The following ZCCHC7 variants were observed in gnomAD, a reference collection of about 807,000 sequenced individuals.
ZCCHC7 encodes zinc finger CCHC-type containing 7, also known as zinc finger CCHC domain-containing protein 7.
A neutral mutation model predicts 52.0 loss-of-function variants in ZCCHC7; 35 were observed. The ratio of observed to expected loss-of-function variants is 0.67; its 90% CI spans 0.51 to 0.89. The LOEUF is 0.89. Among genes scored for constraint, ZCCHC7 ranks in the 40% least tolerant of loss-of-function variants. ZCCHC7 has a pLI of 0.00. For synonymous variants in ZCCHC7, 217 were observed against 221.5 expected (o/e 0.98, Z 0.18); for missense variants, 574 against 649.1 (o/e 0.88, Z 1.26).
intron 2 of ZCCHC7, among the ~76,000 whole-genome samples, chr9:37,149,173 A>C (rs965237301): frequency 9.9e-5 from 15 of 152,186 alleles, no homozygotes; most frequent in African/African-American, 3.6e-4. Context: ...AATTTCATTA[A>C]AGTTAATTAA....
intron 5 of ZCCHC7, among the ~76,000 whole-genome samples, chr9:37,318,151 C>T (rs1008045534): frequency 1.3e-5 from 2 of 151,446 alleles, no homozygotes; most frequent in South Asian, 2.1e-4. Context: ...AAATATTTGA[C>T]GATGAGGATG....
At chr9:37,279,227 T>C (rs568959849) in intron 2 of ZCCHC7, among the ~76,000 whole-genome samples, 1 of 151,832 alleles carries the variant, frequency 6.6e-6, no homozygotes, top group South Asian at 2.1e-4. Flanking sequence ...AAAAGTAACA[T>C]TGGGTGATTT....
chr9:37,214,769 CAAATT>C lies in ZCCHC7; in HGVS notation c.611-87415_611-87411del, dbSNP rs756834413. Reference sequence around the variant, plus strand: ...GTTGGAGGAGTATGTTTAGTGAAAACAAATTAAAGGTGGAAGAGATACTATTCTTC... The same window carrying C: ...GTTGGAGGAGTATGTTTAGTGAAAACAAAGGTGGAAGAGATACTATTCTTC... On this transcript the variant is annotated intron_variant, in intron 2 of 8. Transcript: ENST00000336755. Among the ~76,000 whole-genome samples, 8 of 151,890 alleles carry C rather than the reference CAAATT, an allele frequency of 5.3e-5. No homozygotes were observed. The East Asian group carries it at 9.6e-4, about 18-fold the overall frequency.
intron 2 of ZCCHC7, among the ~76,000 whole-genome samples, chr9:37,289,788 A>T (rs1398721388): frequency 6.6e-6 from 1 of 152,128 alleles, no homozygotes; most frequent in Non-Finnish European, 1.5e-5. Context: ...TTATCTTCAC[A>T]TTCCCTTCAT....
At chr9:37,150,016 A>T (rs1241529140) in intron 2 of ZCCHC7, among the ~76,000 whole-genome samples, 1 of 152,220 alleles carries the variant, frequency 6.6e-6, no homozygotes, top group Non-Finnish European at 1.5e-5. Context: ...GCAGTTTTTC[A>T]TCTCCTTTTC....
rs1001388644 is a variant in ZCCHC7, at chr9:37,320,234, C to T, written c.952-7565C>T. ...CTGGGATTACAGGCGCCTACCACCA[C>T]ACTCAGCTTATTTTTATATTTTTAG... is the stretch of plus-strand genomic sequence containing the variant. On this transcript the variant is annotated intron_variant, in intron 5 of 8. Transcript: ENST00000336755. 3.9e-5 allele frequency among the ~76,000 whole-genome samples: 6 copies of T among 152,092 alleles called. No individual in the cohort carries two copies. The East Asian group carries it at 5.8e-4, about 15-fold the overall frequency.
chr9:37,163,403 AAG>A (rs1554705121), intron 2 of ZCCHC7, among the ~76,000 whole-genome samples: 8 of 149,612 alleles, frequency 5.3e-5, no homozygotes, highest in South Asian at 4.2e-4. Context: ...AAAAAAAAAA[AAG>A]AAAAGAAAAA....
rs1385094645 is a variant in ZCCHC7 at position 37,354,821 on chromosome 9, A to G, written c.1195A>G (p.Lys399Glu). Reference protein sequence around the residue: ...EREKRLKQKIKVLKKNGVIPE... With the variant: ...EREKRLKQKIEVLKKNGVIPE... ...AGAAAAGAGACTAAAACAAAAAATA[A>G]AAGGTATGTTGCTAGACTTCTTGTT... Residue 399 changes from lysine to glutamate, a missense_variant, in exon 8 of 9, where the codon AAA becomes GAA. Lys to Glu is a moderately conservative substitution (Grantham distance 56). Coordinates refer to ENST00000336755, the MANE Select transcript of ZCCHC7 (RefSeq NM_032226.3). The surrounding 1 kb of genome is among the most constrained non-coding windows in gnomAD (Gnocchi z 4.0). The G allele has an allele frequency of 8.2e-6, 13 of 1,587,588 alleles. No individual in the cohort carries two copies. In the South Asian group the frequency reaches 1.3e-4, roughly 16 times the overall value.
intron 2 of ZCCHC7, among the ~76,000 whole-genome samples, chr9:37,242,971 C>A (rs1825935659): frequency 6.6e-6 from 1 of 151,836 alleles, no homozygotes; most frequent in African/African-American, 2.4e-5. Context: ...AAGCAATCAT[C>A]TGAGTCATAT....
At chr9:37,218,545 G>A (rs1040415006) in intron 2 of ZCCHC7, among the ~76,000 whole-genome samples, 1 of 152,128 alleles carries the variant, frequency 6.6e-6, no homozygotes, top group Non-Finnish European at 1.5e-5. Context: ...GGTGGCTCAC[G>A]CCTGTAATCC....
intron 2 of ZCCHC7, among the ~76,000 whole-genome samples, chr9:37,242,399 A>G (rs1226502550): frequency 6.6e-6 from 1 of 151,756 alleles, no homozygotes; most frequent in Non-Finnish European, 1.5e-5. Context: ...AGTTTTGGTT[A>G]TATAATTTAT....
intron 2 of ZCCHC7, among the ~76,000 whole-genome samples, chr9:37,228,406 A>G (rs1825226398): frequency 1.3e-5 from 2 of 151,716 alleles, no homozygotes; most frequent in Non-Finnish European, 2.9e-5. Flanking sequence ...TTTTTGAGAC[A>G]GGGTCTCACT....
In ZCCHC7 at chr9:37,284,980, T is replaced by G. The variant is rs1450335286; in HGVS notation, c.611-17208T>G. On this transcript the variant is annotated intron_variant, in intron 2 of 8. Transcript: ENST00000336755. Reference sequence around the variant, plus strand: ...TAGGCTTTAATTTTTTTAATTTCCTTTTTTATTAGAAGTTTTGTTATAAAA... The same window carrying G: ...TAGGCTTTAATTTTTTTAATTTCCTGTTTTATTAGAAGTTTTGTTATAAAA... 3.3e-5 allele frequency among the ~76,000 whole-genome samples: 5 copies of G among 152,238 alleles called. No individual in the cohort carries two copies. The East Asian group carries it at 9.6e-4, about 29-fold the overall frequency.
At chr9:37,278,034 G>GTGTTTGTTTTGTTTTGTTTTGTTTTGTTT (rs1827769633) in intron 2 of ZCCHC7, among the ~76,000 whole-genome samples, 1 of 142,860 alleles carries the variant, frequency 7.0e-6, no homozygotes, top group Non-Finnish European at 1.5e-5. Context: ...GTGTGTGTGT[G>GTGTTTGTTTTGTTTTGTTTTGTTTTGTTT]TGTTTTGTTT....
chr9:37,172,379 T>C (rs776963566), intron 2 of ZCCHC7, among the ~76,000 whole-genome samples: 8 of 152,240 alleles, frequency 5.3e-5, no homozygotes, highest in Non-Finnish European at 1.0e-4. Flanking sequence ...TATTTTGACA[T>C]TACAGACTGA....
intron 5 of ZCCHC7, among the ~76,000 whole-genome samples, chr9:37,313,350 C>G (rs1210511974): frequency 6.6e-6 from 1 of 152,126 alleles, no homozygotes; most frequent in Non-Finnish European, 1.5e-5. Flanking sequence ...TTGATGTACA[C>G]AAAACTCACG....
At chr9:37,356,506 C>T (rs1191927871) in intron 8 of ZCCHC7, among the ~76,000 whole-genome samples, 3 of 152,194 alleles carry the variant, frequency 2.0e-5, no homozygotes, top group Non-Finnish European at 2.9e-5. Flanking sequence ...AAGGCTGACT[C>T]GTCATCATTG....
intron 2 of ZCCHC7, among the ~76,000 whole-genome samples, chr9:37,255,014 G>A (rs1564205121): frequency 6.6e-6 from 1 of 151,746 alleles, no homozygotes; most frequent in African/African-American, 2.4e-5. Flanking sequence ...TGTTTATACT[G>A]TAGTCTACCC....
intron 2 of ZCCHC7, among the ~76,000 whole-genome samples, chr9:37,269,480 G>A (rs1827279773): frequency 6.6e-6 from 1 of 151,778 alleles, no homozygotes; most frequent in Non-Finnish European, 1.5e-5. Context: ...TTAACTGAGT[G>A]TTGCAGTGCG....
Sources: gnomAD v4.1 joint callset for allele counts (sites outside exome capture counted in the v4.1 genomes callset) on GRCh38, gnomAD v4.1.1 for gene constraint, Gnocchi (gnomAD v3.1) non-coding constraint, MANE v1.5 for transcripts, NCBI Gene and HGNC (gene_info 2026-07-23, HGNC 2026-07-21) for gene names.